The following THRB variants were observed in gnomAD, a reference collection of about 807,000 sequenced individuals.
The protein encoded by THRB is nuclear receptor subfamily 1 group A member 2.
Under a neutral mutation model 47.8 loss-of-function variants are expected in THRB, and 12 were observed. That is an observed-to-expected ratio of 0.25 (90% CI 0.16 to 0.41). The LOEUF is 0.41. Ranked by LOEUF, THRB falls within the 10% of genes least tolerant of loss-of-function variation. The probability of loss-of-function intolerance (pLI) is 1.00; values close to 1 mark genes in which losing one functional copy is unlikely to be tolerated. For missense variants in THRB, 348 were observed against 589.2 expected, an observed-to-expected ratio of 0.59 and a Z score of 4.24; for synonymous variants, 218 against 212.2, an observed-to-expected ratio of 1.03 and a Z score of -0.24.
At chr3:24,416,421 A>G (rs2068737000) in intron 1 of THRB, among the ~76,000 whole-genome samples, 1 of 151,892 alleles carries the variant, frequency 6.6e-6, no homozygotes, top group African/African-American at 2.4e-5. Context: ...GCTGCTTTTC[A>G]GGAACTGTAC....
intron 8 of THRB, among the ~76,000 whole-genome samples, chr3:24,143,247 CTGATATAA>C (rs1401151508): frequency 6.6e-6 from 1 of 152,172 alleles, no homozygotes; most frequent in Non-Finnish European, 1.5e-5. Context: ...TAAAAGCAAA[CTGATATAA>C]TGTGGCCTAA....
At chr3:24,316,941 A>T (rs1019769613) in intron 2 of THRB, among the ~76,000 whole-genome samples, 21 of 152,258 alleles carry the variant, frequency 1.4e-4, no homozygotes, top group East Asian at 9.7e-4. Flanking sequence ...CCCTTCCCTA[A>T]CTTCCTCAGG....
intron 1 of THRB, among the ~76,000 whole-genome samples, chr3:24,453,095 G>A (rs2072827134): frequency 1.3e-5 from 2 of 152,072 alleles, no homozygotes; most frequent in South Asian, 4.1e-4. Context: ...CAAGTGTCTT[G>A]TACACAAGCC....
At chr3:24,352,828 A>C (rs1254237022) in intron 1 of THRB, among the ~76,000 whole-genome samples, 1 of 152,202 alleles carries the variant, frequency 6.6e-6, no homozygotes, top group African/African-American at 2.4e-5. Context: ...TGGCTAGTGA[A>C]ATTAAGAATG....
intron 1 of THRB, among the ~76,000 whole-genome samples, chr3:24,355,140 T>A (rs1165383554): frequency 1.3e-5 from 2 of 152,140 alleles, no homozygotes; most frequent in Non-Finnish European, 2.9e-5. Flanking sequence ...TAAAGTGGCA[T>A]CATGTGCTTC....
At chr3:24,175,136 G>T (rs2040972569) in intron 5 of THRB, among the ~76,000 whole-genome samples, 1 of 152,190 alleles carries the variant, frequency 6.6e-6, no homozygotes, top group African/African-American at 2.4e-5. Context: ...TGGATGTTTA[G>T]TCCATGAAAT....
intron 1 of THRB, among the ~76,000 whole-genome samples, chr3:24,368,496 C>G (rs529792701): frequency 2.0e-5 from 3 of 152,104 alleles, no homozygotes; most frequent in Non-Finnish European, 2.9e-5. Context: ...AGACTAGACA[C>G]GAAGCTAAAA....
At chr3:24,437,602 C>T (rs1303166462) in intron 1 of THRB, among the ~76,000 whole-genome samples, 3 of 152,104 alleles carry the variant, frequency 2.0e-5, no homozygotes, top group Non-Finnish European at 4.4e-5. Context: ...TCATTACACA[C>T]TGTACACACG....
At chr3:24,220,850 C>A (rs2150000153) in intron 4 of THRB, among the ~76,000 whole-genome samples, 1 of 151,448 alleles carries the variant, frequency 6.6e-6, no homozygotes, top group African/African-American at 2.4e-5. Flanking sequence ...AGCCATTTAA[C>A]CCACAGTTTC....
At chr3:24,123,542 T>C (rs973948341) in intron 10 of THRB, among the ~76,000 whole-genome samples, 1 of 152,008 alleles carries the variant, frequency 6.6e-6, no homozygotes, top group Non-Finnish European at 1.5e-5. Context: ...GGGAGATATA[T>C]GAAGGGACTG....
At chr3:24,442,810 G>C (rs923758281) in intron 1 of THRB, among the ~76,000 whole-genome samples, 2 of 141,210 alleles carry the variant, frequency 1.4e-5, no homozygotes. Context: ...GGCAACAAGA[G>C]TGAAACTCCG....
intron 3 of THRB, among the ~76,000 whole-genome samples, chr3:24,238,278 T>TGGGGGGGGGGGG (rs67450132): frequency 3.3e-5 from 1 of 30,010 alleles, no homozygotes; most frequent in Non-Finnish European, 8.0e-5. Context: ...TGTGTGTGTG[T>TGGGGGGGGGGGG]GGGGGGGGGG....
intron 1 of THRB, among the ~76,000 whole-genome samples, chr3:24,341,481 G>A (rs2062650740): frequency 6.6e-6 from 1 of 152,042 alleles, no homozygotes; most frequent in South Asian, 2.1e-4. Flanking sequence ...CGATCTGCCT[G>A]CCTCAGCCTC....
Position 24,299,628 on chromosome 3 carries a change from G to C in THRB, c.-188-2257C>G, listed in dbSNP as rs1482745358. Among the ~76,000 whole-genome samples, 5 of 149,194 alleles carry C rather than the reference G, an allele frequency of 3.4e-5. No individual in the cohort carries two copies. In the East Asian group the frequency reaches 6.0e-4, roughly 18 times the overall value. ...CCCACAATTTTTTAAAACAGTTTCT[G>C]TGGTCATAAAAACTTTCTTTTTTTT... On this transcript the variant is annotated intron_variant, in intron 2 of 10. Coordinates refer to ENST00000646209, the MANE Select transcript of THRB (RefSeq NM_001354712.2).
chr3:24,435,917 C>T (rs767908837), intron 1 of THRB, among the ~76,000 whole-genome samples: 3 of 152,224 alleles, frequency 2.0e-5, no homozygotes, highest in African/African-American at 7.2e-5. Flanking sequence ...AATTAATTGC[C>T]GCTTAAGTGA....
chr3:24,261,041 C>T (rs940913369), intron 3 of THRB, among the ~76,000 whole-genome samples: 4 of 119,864 alleles, frequency 3.3e-5, no homozygotes, highest in Non-Finnish European at 6.8e-5. Flanking sequence ...GGGCCCACAC[C>T]TGGTCCTATC....
intron 3 of THRB, among the ~76,000 whole-genome samples, chr3:24,257,415 T>C (rs1484317918): frequency 6.6e-6 from 1 of 152,154 alleles, no homozygotes; most frequent in East Asian, 1.9e-4. Flanking sequence ...TTTTAGGTTA[T>C]AGAATATGAA....
intron 1 of THRB, among the ~76,000 whole-genome samples, chr3:24,482,533 GTCTCCC>G (rs1306558522): frequency 1.7e-4 from 18 of 105,218 alleles, no homozygotes; most frequent in African/African-American, 7.0e-4. Flanking sequence ...CTTTCTTTCT[GTCTCCC>G]TCTCTCTCTC....
intron 4 of THRB, among the ~76,000 whole-genome samples, chr3:24,211,474 T>C (rs1188547632): frequency 3.9e-5 from 6 of 152,318 alleles, no homozygotes; most frequent in Admixed American, 3.9e-4. Flanking sequence ...AGCCGATTTG[T>C]TAGGTATTCA....
Sources: gnomAD v4.1 joint callset for allele counts (sites outside exome capture counted in the v4.1 genomes callset) on GRCh38, gnomAD v4.1.1 for gene constraint, MANE v1.5 for transcripts, NCBI Gene and HGNC (gene_info 2026-07-23, HGNC 2026-07-21) for gene names.